The following NCKAP5 variants were observed in gnomAD, a reference collection of about 807,000 sequenced individuals.
NCKAP5 encodes the protein NCK associated protein 5, also known as nck-associated protein 5.
In NCKAP5, 92 loss-of-function variants were observed where a neutral mutation model predicts 167.0. The ratio of observed to expected loss-of-function variants is 0.55; its 90% CI spans 0.47 to 0.66. The LOEUF is 0.66. Ranked by LOEUF, NCKAP5 falls within the 30% of genes least tolerant of loss-of-function variation. NCKAP5 has a pLI of 0.00. For missense variants in NCKAP5, 2,378 were observed against 2,315.0 expected, an observed-to-expected ratio of 1.03 and a Z score of -0.56; for synonymous variants, 891 against 877.4, an observed-to-expected ratio of 1.02 and a Z score of -0.27.
the NCKAP5 span, among the ~76,000 whole-genome samples, chr2:133,660,933 C>T: frequency 1.3e-5 from 2 of 148,688 alleles, no homozygotes; most frequent in Non-Finnish European, 3.0e-5. Context: ...ACCCAGTCGC[C>T]ACGCATATAT....
chr2:133,658,011 A>G, the NCKAP5 span, among the ~76,000 whole-genome samples: 3 of 152,192 alleles, frequency 2.0e-5, no homozygotes, highest in East Asian at 5.8e-4. Flanking sequence ...AGATAAAGGG[A>G]GTATTCATAG....
At chr2:133,306,095 G>A (rs1680757961) in intron 3 of NCKAP5, among the ~76,000 whole-genome samples, 1 of 152,214 alleles carries the variant, frequency 6.6e-6, no homozygotes, top group African/African-American at 2.4e-5. Flanking sequence ...CTCCTAGGGG[G>A]AATTTTGTGG....
chr2:133,226,283 T>C (rs2086887445), intron 4 of NCKAP5, among the ~76,000 whole-genome samples: 1 of 152,116 alleles, frequency 6.6e-6, no homozygotes, highest in African/African-American at 2.4e-5. Flanking sequence ...GCTATCAATC[T>C]ATTCCACAAA....
intron 9 of NCKAP5, among the ~76,000 whole-genome samples, chr2:132,869,655 A>C (rs1690643588): frequency 6.6e-6 from 1 of 152,160 alleles, no homozygotes; most frequent in African/African-American, 2.4e-5. Context: ...CCATGTGACA[A>C]AATTCTGGCC....
At chr2:133,246,067 G>A (rs969058552) in intron 4 of NCKAP5, among the ~76,000 whole-genome samples, 6 of 152,106 alleles carry the variant, frequency 3.9e-5, no homozygotes, top group African/African-American at 1.4e-4. Flanking sequence ...AGAGACGAAT[G>A]TGACCGTGGA....
intron 5 of NCKAP5, among the ~76,000 whole-genome samples, chr2:133,193,697 T>C (rs941374173): frequency 2.6e-5 from 4 of 152,090 alleles, no homozygotes; most frequent in Non-Finnish European, 5.9e-5. Context: ...CATGTAATTG[T>C]ATTAGAAGCT....
At chr2:133,050,498 T>C (rs2079563330) in intron 6 of NCKAP5, among the ~76,000 whole-genome samples, 1 of 152,212 alleles carries the variant, frequency 6.6e-6, no homozygotes, top group South Asian at 2.1e-4. Context: ...TAATCTTTCC[T>C]GTTTGTAAAA....
intron 4 of NCKAP5, among the ~76,000 whole-genome samples, chr2:133,236,003 C>G (rs1479209878): frequency 1.5e-5 from 2 of 135,054 alleles, no homozygotes; most frequent in Non-Finnish European, 3.1e-5. Context: ...GAAGTGGAGG[C>G]TGCAGTGAGC....
intron 6 of NCKAP5, among the ~76,000 whole-genome samples, chr2:133,064,269 C>T (rs1381563268): frequency 6.6e-6 from 1 of 152,216 alleles, no homozygotes; most frequent in Non-Finnish European, 1.5e-5. Flanking sequence ...GTGCAAAGCA[C>T]TGCCTCTCAG....
In NCKAP5 at chr2:132,767,333, G is replaced by C. The variant is rs1029344097; in HGVS notation, c.5128+6483C>G. On this transcript the variant is annotated intron_variant, in intron 16 of 19. Coordinates refer to ENST00000409261, the MANE Select transcript of NCKAP5 (RefSeq NM_207363.3). Reference sequence around the variant, plus strand: ...GCAATCTCGGCTCACCGCAACCTCCGCCTCCCAGATTCAAGCGACTCTCCT... The same window carrying C: ...GCAATCTCGGCTCACCGCAACCTCCCCCTCCCAGATTCAAGCGACTCTCCT... Among the ~76,000 whole-genome samples, 27 of 151,702 alleles carry C rather than the reference G, an allele frequency of 1.8e-4. 1 individual carries two copies. The highest frequency in any genetic ancestry group is 3.5e-4 in the Non-Finnish European group (24 of 67,948).
At chr2:133,189,443 C>A (rs929447029) in intron 5 of NCKAP5, among the ~76,000 whole-genome samples, 1 of 151,896 alleles carries the variant, frequency 6.6e-6, no homozygotes, top group Non-Finnish European at 1.5e-5. Context: ...ATGAGGCCAG[C>A]ATCATCCTGA....
At chr2:133,219,222 A>T (rs769075806) in intron 4 of NCKAP5, among the ~76,000 whole-genome samples, 18 of 152,208 alleles carry the variant, frequency 1.2e-4, no homozygotes, top group Non-Finnish European at 2.5e-4. Context: ...AGTGTAGGCC[A>T]CAGGGGAGGC....
intron 5 of NCKAP5, among the ~76,000 whole-genome samples, chr2:133,143,858 T>C (rs1426842211): frequency 6.6e-6 from 1 of 151,892 alleles, no homozygotes; most frequent in Non-Finnish European, 1.5e-5. Flanking sequence ...AGTAAGTAAA[T>C]AGCAGAGCCA....
In NCKAP5 at chr2:132,724,280, C is replaced by T. The variant is rs548604890; in HGVS notation, c.5713+1347G>A. Among the ~76,000 whole-genome samples, 340 of 152,272 alleles carry T rather than the reference C, an allele frequency of 2.2e-3. 1 individual carries two copies. Among genetic ancestry groups the T allele is most frequent in the Non-Finnish European group, 3.9e-3 (266 of 68,024 alleles). On this transcript the variant is annotated intron_variant, in intron 19 of 19. Coordinates refer to ENST00000409261, the MANE Select transcript of NCKAP5 (RefSeq NM_207363.3). ...TTCTGTAGCACTCATCTCCCATGAA[C>T]GAACTATATACATTTACTTGTTTAT...
At chr2:133,211,754 A>T (rs1208679357) in intron 5 of NCKAP5, among the ~76,000 whole-genome samples, 1 of 152,208 alleles carries the variant, frequency 6.6e-6, no homozygotes, top group African/African-American at 2.4e-5. Flanking sequence ...GTGATTTTTC[A>T]TTACCATAAT....
At chr2:133,500,392 C>A (rs571506062) in intron 3 of NCKAP5, among the ~76,000 whole-genome samples, 38 of 152,298 alleles carry the variant, frequency 2.5e-4, no homozygotes, top group Non-Finnish European at 4.1e-4. Context: ...CTCATCACAC[C>A]AGAGACACTG....
chr2:132,731,009 C>T (rs574621971), intron 17 of NCKAP5, among the ~76,000 whole-genome samples: 1 of 152,340 alleles, frequency 6.6e-6, no homozygotes, highest in East Asian at 1.9e-4. Flanking sequence ...TAATCATCAA[C>T]TCATACATGA....
chr2:132,844,240 C>T (rs2105441188), intron 11 of NCKAP5, among the ~76,000 whole-genome samples: 1 of 152,158 alleles, frequency 6.6e-6, no homozygotes, highest in African/African-American at 2.4e-5. Flanking sequence ...ATAAACTTTT[C>T]CTACCCTTGA....
intron 3 of NCKAP5, among the ~76,000 whole-genome samples, chr2:133,382,375 CT>C (rs1559434968): frequency 1.3e-5 from 2 of 152,152 alleles, no homozygotes; most frequent in Admixed American, 6.6e-5. Flanking sequence ...CCTAGAGTGA[CT>C]TTTTGCAAAT....
Sources: allele counts gnomAD v4.1 joint callset (sites outside exome capture counted in the v4.1 genomes callset), GRCh38; gene constraint gnomAD v4.1.1; transcripts MANE v1.5; gene names NCBI Gene and HGNC (gene_info 2026-07-23, HGNC 2026-07-21).